Variants in GLCCI1 observed in about 807,000 individuals in gnomAD.
The protein encoded by GLCCI1 is glucocorticoid-induced transcript 1 protein.
A neutral mutation model predicts 52.2 loss-of-function variants in GLCCI1; 24 were observed. That is an observed-to-expected ratio of 0.46 (90% confidence interval 0.33 to 0.65). The LOEUF (loss-of-function observed/expected upper bound fraction) is 0.65. GLCCI1 is among the 30% of genes least tolerant of loss of function. GLCCI1 has a pLI of 0.02. For synonymous variants in GLCCI1, 310 were observed against 276.5 expected, an observed-to-expected ratio of 1.12 and a Z score of -1.20; for missense variants, 704 against 701.5, an observed-to-expected ratio of 1.00 and a Z score of -0.04.
chr7:8,055,416 T>C lies in GLCCI1; in HGVS notation c.697-17T>C, dbSNP rs372266347. Reference sequence around the variant, plus strand: ...CACTTTTATTCTCTTCTTACTTCTCTTTCCCTGTCCCCAAAGCAGATCGCC... The same window carrying C: ...CACTTTTATTCTCTTCTTACTTCTCCTTCCCTGTCCCCAAAGCAGATCGCC... On this transcript the variant is annotated splice_polypyrimidine_tract_variant and intron_variant, in intron 3 of 7. Transcript: ENST00000223145. The C allele has an allele frequency of 6.5e-7, 1 of 1,534,364 alleles. No homozygotes were observed. The highest frequency in any genetic ancestry group is 1.4e-5 in the African/African-American group (1 of 73,308).
chr7:7,971,451 A>G (rs1303845838), intron 1 of GLCCI1, among the ~76,000 whole-genome samples: 1 of 152,252 alleles, frequency 6.6e-6, no homozygotes, highest in Non-Finnish European at 1.5e-5. Context: ...TTTCGCTTCA[A>G]CAGTGCACAA....
At chr7:8,039,998 A>C (rs1031866299) in intron 3 of GLCCI1, among the ~76,000 whole-genome samples, 7 of 21,228 alleles carry the variant, frequency 3.3e-4, no homozygotes, top group African/African-American at 1.2e-3. Context: ...CTCTGTCTCA[A>C]AAAAAAAAAA....
In GLCCI1 at chr7:8,026,490, C is replaced by T. The variant is rs532711945; in HGVS notation, c.696+3921C>T. Among the ~76,000 whole-genome samples the T allele has an allele frequency of 5.3e-5, 8 of 152,320 alleles. No individual in the cohort carries two copies. The South Asian group carries it at 6.2e-4, about 12-fold the overall frequency. ...AAAATCAAGTGAGCAACCACAGTAC[C>T]GAGTTTTAAGTTCATAGCACCAAAA... On this transcript the variant is annotated intron_variant, in intron 3 of 7. Transcript: ENST00000223145.
chr7:7,979,963 T>A (rs1780576632), intron 1 of GLCCI1, among the ~76,000 whole-genome samples: 1 of 152,228 alleles, frequency 6.6e-6, no homozygotes, highest in Admixed American at 6.5e-5. Context: ...TCTGGCAGTG[T>A]CTCGCTGTGT....
At chr7:7,992,043 T>TTTTCTTTCTTTCTTTC (rs60028694) in intron 1 of GLCCI1, among the ~76,000 whole-genome samples, 45 of 128,820 alleles carry the variant, frequency 3.5e-4, no homozygotes, top group South Asian at 7.7e-4. Flanking sequence ...AGAATTTATT[T>TTTTCTTTCTTTCTTTC]TTTCTTTCTT....
intron 5 of GLCCI1, among the ~76,000 whole-genome samples, chr7:8,060,766 A>T (rs1211163961): frequency 6.6e-6 from 1 of 152,206 alleles, no homozygotes; most frequent in Non-Finnish European, 1.5e-5. Context: ...TATTGTGAAT[A>T]ATGCTTCTAT....
intron 4 of GLCCI1, among the ~76,000 whole-genome samples, chr7:8,058,324 T>C (rs1029517200): frequency 3.3e-5 from 5 of 152,170 alleles, no homozygotes; most frequent in Admixed American, 3.3e-4. Flanking sequence ...AAATAGCAAT[T>C]TACCTGAAAT....
chr7:8,033,380 C>T (rs1781799353), intron 3 of GLCCI1, among the ~76,000 whole-genome samples: 1 of 152,026 alleles, frequency 6.6e-6, no homozygotes, highest in Admixed American at 6.6e-5. Context: ...CACTTTTATT[C>T]ATTACTGTAC....
At chr7:8,012,066 C>T (rs562242848) in intron 2 of GLCCI1, among the ~76,000 whole-genome samples, 33 of 152,176 alleles carry the variant, frequency 2.2e-4, no homozygotes, top group Non-Finnish European at 4.7e-4. Flanking sequence ...CCGCTTGCCT[C>T]GGCCTTCCAA....
intron 1 of GLCCI1, among the ~76,000 whole-genome samples, chr7:7,985,249 A>C (rs1780698874): frequency 1.3e-5 from 2 of 152,026 alleles, no homozygotes; most frequent in African/African-American, 2.4e-5. Flanking sequence ...AGAGGGAGGG[A>C]AGGAAGGAGG....
At chr7:8,016,011 C>G (rs1201904069) in intron 2 of GLCCI1, among the ~76,000 whole-genome samples, 1 of 152,160 alleles carries the variant, frequency 6.6e-6, no homozygotes, top group Non-Finnish European at 1.5e-5. Flanking sequence ...TTTGGAATAA[C>G]ACTCTTACTC....
At chr7:8,032,477 C>T (rs1781776487) in intron 3 of GLCCI1, among the ~76,000 whole-genome samples, 2 of 152,040 alleles carry the variant, frequency 1.3e-5, no homozygotes, top group Middle Eastern at 6.8e-3. Flanking sequence ...TTGCAGAGAT[C>T]ACTAAAGTTG....
At chr7:8,023,992 G>A (rs999567544) in intron 3 of GLCCI1, among the ~76,000 whole-genome samples, 1 of 152,086 alleles carries the variant, frequency 6.6e-6, no homozygotes, top group Non-Finnish European at 1.5e-5. Flanking sequence ...GTTCTCTTAT[G>A]TATTGAACTT....
At chr7:7,980,763 A>G (rs6969431) in intron 1 of GLCCI1, 13,383 of 692,128 alleles carry the variant, frequency 0.019, 285 homozygotes, top group East Asian at 0.087. Context: ...ATGGTACCAT[A>G]CAGTATTTGG....
intron 4 of GLCCI1, 133 bp from the exon 5 acceptor site, chr7:8,059,963 T>C: frequency 1.4e-6 from 1 of 723,354 alleles, no homozygotes; most frequent in Non-Finnish European, 2.2e-6. Context: ...TATGTGCACC[T>C]GAATTTTATT....
chr7:8,043,920 A>G (rs1052760099), intron 3 of GLCCI1, among the ~76,000 whole-genome samples: 3 of 150,724 alleles, frequency 2.0e-5, no homozygotes, highest in Admixed American at 6.7e-5. Flanking sequence ...GTCATGAAAA[A>G]TCAAAACTAT....
At chr7:8,012,110 C>G (rs1049676279) in intron 2 of GLCCI1, among the ~76,000 whole-genome samples, 4 of 152,056 alleles carry the variant, frequency 2.6e-5, no homozygotes, top group African/African-American at 4.8e-5. Flanking sequence ...TCACCGTGCC[C>G]AGCCAGGGGT....
intron 1 of GLCCI1, among the ~76,000 whole-genome samples, 172 bp from the exon 2 acceptor site, chr7:8,003,736 T>G (rs924709234): frequency 6.6e-6 from 1 of 152,208 alleles, no homozygotes; most frequent in Non-Finnish European, 1.5e-5. Context: ...TGAATGTATT[T>G]TCCTTGGGAC....
intron 6 of GLCCI1, among the ~76,000 whole-genome samples, chr7:8,071,341 G>A (rs1369468869): frequency 2.0e-5 from 3 of 152,064 alleles, no homozygotes; most frequent in Non-Finnish European, 2.9e-5. Flanking sequence ...GAGAAGCACA[G>A]CGCATGGTTC....
Sources: gnomAD v4.1 joint callset for allele counts (sites outside exome capture counted in the v4.1 genomes callset) on GRCh38, gnomAD v4.1.1 for gene constraint, MANE v1.5 for transcripts, NCBI Gene and HGNC (gene_info 2026-07-23, HGNC 2026-07-21) for gene names.